JMJD1C: variants seen among roughly 807,000 people sequenced by gnomAD.
JMJD1C encodes jumonji domain containing 1C, also known as jumonji domain-containing protein 1C.
A neutral mutation model predicts 245.3 loss-of-function variants in JMJD1C; 31 were observed. The observed-to-expected ratio is 0.13, with a 90% CI of 0.09 to 0.17. The LOEUF is 0.17. JMJD1C is among the 10% of genes least tolerant of loss of function. JMJD1C has a pLI of 1.00. For synonymous variants in JMJD1C, 1,057 were observed against 1,017.4 expected (o/e 1.04, Z -0.74); for missense variants, 2,691 against 3,000.2 (o/e 0.90, Z 2.41).
chr10:63,408,080 T>C (rs1177965691), intron 1 of JMJD1C, among the ~76,000 whole-genome samples: 1 of 152,068 alleles, frequency 6.6e-6, no homozygotes, highest in Non-Finnish European at 1.5e-5. Context: ...ATTTCAAAAC[T>C]GAAAAGCAAC....
At chr10:63,519,204 T>C (rs1589848529) in intron 1 of JMJD1C, among the ~76,000 whole-genome samples, 1 of 152,134 alleles carries the variant, frequency 6.6e-6, no homozygotes, top group African/African-American at 2.4e-5. Flanking sequence ...GCATACAAAA[T>C]GAAACTTAAC....
At chr10:63,461,462 T>C (rs926648753) in intron 1 of JMJD1C, among the ~76,000 whole-genome samples, 3 of 152,098 alleles carry the variant, frequency 2.0e-5, no homozygotes, top group Admixed American at 6.6e-5. Flanking sequence ...ATGAGAAAAC[T>C]AAGCAGAAAT....
intron 2 of JMJD1C, among the ~76,000 whole-genome samples, chr10:63,312,943 T>C (rs1939423189): frequency 6.6e-6 from 1 of 152,236 alleles, no homozygotes; most frequent in African/African-American, 2.4e-5. Flanking sequence ...ACAATTACTT[T>C]CTTAAAACTT....
chr10:63,476,847 T>C (rs1953676779), intron 1 of JMJD1C, among the ~76,000 whole-genome samples: 1 of 152,102 alleles, frequency 6.6e-6, no homozygotes, highest in Middle Eastern at 3.2e-3. Context: ...AGAGGACCAC[T>C]TGAGGCCAGC....
chr10:63,235,720 T>C (rs1446103732), intron 3 of JMJD1C, among the ~76,000 whole-genome samples: 1 of 152,184 alleles, frequency 6.6e-6, no homozygotes, highest in Non-Finnish European at 1.5e-5. Flanking sequence ...ATTAGGTAAT[T>C]TCTCCAAAAT....
At chr10:63,232,344 G>C (rs1850133077) in intron 3 of JMJD1C, among the ~76,000 whole-genome samples, 1 of 151,840 alleles carries the variant, frequency 6.6e-6, no homozygotes, top group South Asian at 2.1e-4. Flanking sequence ...ATTTTATTAA[G>C]CCCATGAATG....
At chr10:63,512,084 G>A (rs535675782) in intron 1 of JMJD1C, among the ~76,000 whole-genome samples, 1 of 152,078 alleles carries the variant, frequency 6.6e-6, no homozygotes, top group Non-Finnish European at 1.5e-5. Flanking sequence ...TTCATCTGTT[G>A]CATCATTGCT....
At chr10:63,190,744 A>C in intron 17 of JMJD1C, 150 bp downstream of exon 17, 2 of 649,740 alleles carry the variant, frequency 3.1e-6, no homozygotes, top group Non-Finnish European at 5.4e-6. Context: ...CTTTCAAGGT[A>C]AAGAGAGTTA....
chr10:63,277,755 T>TTTTTTTTTTTA, intron 2 of JMJD1C, among the ~76,000 whole-genome samples: 1 of 101,274 alleles, frequency 9.9e-6, no homozygotes, highest in African/African-American at 3.9e-5. Context: ...TTTTTTTTTT[T>TTTTTTTTTTTA]GAGACAGAGT....
At chr10:63,226,272 G>C (rs1849267157) in intron 3 of JMJD1C, among the ~76,000 whole-genome samples, 1 of 152,186 alleles carries the variant, frequency 6.6e-6, no homozygotes, top group Admixed American at 6.5e-5. Context: ...CTTATAATCA[G>C]AAAGTGTAAA....
At chr10:63,452,063 CCAA>C (rs1182613651) in intron 1 of JMJD1C, among the ~76,000 whole-genome samples, 1 of 151,994 alleles carries the variant, frequency 6.6e-6, no homozygotes, top group African/African-American at 2.4e-5. Context: ...ACCAAAAGCA[CCAA>C]CAACAAAATA....
At chr10:63,288,847 C>G (rs958995061) in intron 2 of JMJD1C, among the ~76,000 whole-genome samples, 1 of 150,802 alleles carries the variant, frequency 6.6e-6, no homozygotes, top group Admixed American at 6.6e-5. Flanking sequence ...CCACTGCATT[C>G]CAGCCTGGGC....
Position 63,200,623 on chromosome 10 carries a change from T to C in JMJD1C, c.5129A>G (p.Gln1710Arg). ...ATCCTGTAAAAAGGATTCCCCAGTT[T>C]GCTTCAGCTTCTTGACTTTACGCCA... The part of the protein sequence containing the change: ...KDWRKVKKLK[Q>R]TGESFLQDDS... The change falls in exon 11 of 26, where the codon CAA (glutamine) becomes CGA (arginine). Residue 1710 changes from glutamine to arginine, a missense_variant. By Grantham distance (43) the Gln-to-Arg change is conservative. Transcript: ENST00000399262. The C allele has an allele frequency of 1.2e-6, 2 of 1,614,114 alleles. No homozygotes were observed. Among genetic ancestry groups the C allele is most frequent in the Admixed American group, 1.7e-5 (1 of 60,024 alleles).
At position 63,484,577 on chromosome 10, in the gene JMJD1C, GA is replaced by G. The variant is rs374787620; in HGVS notation, n.113+37160del. 6.6e-5 allele frequency among the ~76,000 whole-genome samples: 10 copies of G among 151,830 alleles called. 1 individual carries two copies. Among genetic ancestry groups the G allele is most frequent in the African/African-American group, 2.4e-4 (10 of 41,376 alleles). ...GAGATTTTGTTAAAAAAATGGAGTT[GA>G]AAACATAAGATCTTGATGATCAAAC... is the stretch of plus-strand genomic sequence containing the variant. On this transcript the variant is annotated intron_variant and non_coding_transcript_variant, in intron 1 of 3. Transcript: ENST00000633035.
At chr10:63,234,519 A>AAAAAAAAC (rs1564654977) in intron 3 of JMJD1C, among the ~76,000 whole-genome samples, 14 of 147,998 alleles carry the variant, frequency 9.5e-5, no homozygotes, top group Non-Finnish European at 1.5e-4. Flanking sequence ...AAAAAAAAAA[A>AAAAAAAAC]AACACCAAAA....
intron 1 of JMJD1C, among the ~76,000 whole-genome samples, chr10:63,517,266 G>A (rs7082470): frequency 0.42 from 63,805 of 151,882 alleles, 14,128 homozygotes; most frequent in South Asian, 0.53. Context: ...CTGTTGCTCT[G>A]CTAATAAATG....
intron 1 of JMJD1C, among the ~76,000 whole-genome samples, chr10:63,409,617 T>C (rs576545117): frequency 3.9e-5 from 6 of 152,324 alleles, no homozygotes; most frequent in Non-Finnish European, 7.3e-5. Context: ...TTCTTGTCTC[T>C]GTTCTGCATC....
chr10:63,207,847 C>T lies in JMJD1C; in HGVS notation c.3822G>A (p.Glu1274=). 6.2e-7 allele frequency: 1 copy of T among 1,614,182 alleles called. No homozygotes were observed. Among genetic ancestry groups the T allele is most frequent in the African/African-American group, 1.3e-5 (1 of 75,046 alleles). The part of the protein sequence containing the change: ...FKSSSEQSLT[E]MWRPNNNLSK... ...TGAGGTTATTATTAGGTCTCCACAT[C>T]TCCGTCAAACTCTGTTCTGAAGAAC... Residue 1274 remains glutamate, a synonymous_variant, in exon 10 of 26, where the codon GAG becomes GAA. Transcript: ENST00000399262.
At position 63,207,417 on chromosome 10, in the gene JMJD1C, A is replaced by C. The variant is rs892618042; in HGVS notation, c.4252T>G (p.Ser1418Ala). 6.2e-6 allele frequency: 10 copies of C among 1,614,204 alleles called. No homozygotes were observed. Among genetic ancestry groups the C allele is most frequent in the Non-Finnish European group, 7.6e-6 (9 of 1,180,036 alleles). ...VSSWGGSEVI[S>A]SLSNTILAST... The stretch of plus-strand genomic sequence containing the variant: ...GCCAAAATGGTATTTGATAAAGAGG[A>C]AATTACTTCTGAACCACCCCAGCTG... The change falls in exon 10 of 26, where the codon TCC becomes GCC. Residue 1418 changes from serine to alanine, a missense_variant. Physicochemically the swap from Ser to Ala is moderately conservative, Grantham distance 99. Transcript: ENST00000399262.
Sources: gnomAD v4.1 joint callset for allele counts (sites outside exome capture counted in the v4.1 genomes callset) on GRCh38, gnomAD v4.1.1 for gene constraint, MANE v1.5 for transcripts, NCBI Gene and HGNC (gene_info 2026-07-23, HGNC 2026-07-21) for gene names.